The following TTN variants were observed in gnomAD, a reference collection of about 807,000 sequenced individuals.
TTN encodes the protein connectin.
A neutral mutation model predicts 3,223.0 loss-of-function variants in TTN; 1,525 were observed. That is an observed-to-expected ratio of 0.47 (90% CI 0.45 to 0.49). The LOEUF (loss-of-function observed/expected upper bound fraction) is 0.49, where lower values mean the gene tolerates loss of function less well. Ranked by LOEUF, TTN falls within the 20% of genes least tolerant of loss-of-function variation. The probability of loss-of-function intolerance (pLI) is 0.00; values close to 1 mark genes in which losing one functional copy is unlikely to be tolerated. For missense variants in TTN, 40,786 were observed against 43,424.0 expected (o/e 0.94, Z 5.40); for synonymous variants, 14,094 against 15,161.0 (o/e 0.93, Z 5.17).
intron 157 of TTN, 68 bp from the exon 158 acceptor site, chr2:178,669,743 G>A (rs528784234): frequency 1.9e-4 from 291 of 1,510,878 alleles, no homozygotes; most frequent in Non-Finnish European, 2.5e-4. Context: ...AGCAAGCCTA[G>A]AAGGGGCATC....
Position 178,671,968 on chromosome 2 carries a change from T to G in TTN, c.35227+3A>C. On this transcript the variant is annotated splice_donor_region_variant and intron_variant, in intron 155 of 362. Transcript: ENST00000589042. ...TTTGTAGTATTTGAAGAATTCCCTA[T>G]ACCTTTAGGTGGAGCTTTTGGTTTT... 6.3e-7 allele frequency: 1 copy of G among 1,591,344 alleles called. No homozygotes were observed. Among genetic ancestry groups the G allele is most frequent in the Non-Finnish European group, 8.5e-7 (1 of 1,174,312 alleles).
chr2:178,604,452 GA>G, intron 281 of TTN, 147 bp from the exon 282 acceptor site: 1 of 776,340 alleles, frequency 1.3e-6, no homozygotes, highest in Non-Finnish European at 1.8e-6. Flanking sequence ...GAGAAAAGGA[GA>G]AAGCTTTTTT....
rs749360420 is a variant in TTN at position 178,684,010 on chromosome 2, G to A, written c.32795C>T (p.Pro10932Leu). The change falls in exon 133 of 363, where the codon CCA becomes CTA. Residue 10932 changes from proline to leucine, a missense_variant. Coordinates refer to ENST00000589042, the MANE Select transcript of TTN (RefSeq NM_001267550.2). ...AAGAGTCAGTATACCTTTAGCTGGT[G>A]GTTCCTCCTCTCTTTTAGGTTTGAG... ...LKLKPKREEEPPAKVTEFRKR... is the reference protein window; with the variant it reads ...LKLKPKREEELPAKVTEFRKR... The A allele has an allele frequency of 6.3e-7, 1 of 1,593,852 alleles. No individual in the cohort carries two copies. Among genetic ancestry groups the A allele is most frequent in the South Asian group, 1.1e-5 (1 of 87,500 alleles).
chr2:178,554,869 G>C lies in TTN; in HGVS notation c.88590C>G (p.Ile29530Met), dbSNP rs780772770. ...GSASATIRVQ[I>M]LDKPGPPGGP... The stretch of plus-strand genomic sequence containing the variant: ...TGGTCTGTATTCAGCACCTACCAAG[G>C]ATCTGTACTCTGATGGTGGCTGAGG... Residue 29530 changes from isoleucine (I) to methionine (M), a missense_variant, in exon 331 of 363, where the codon ATC (isoleucine) becomes ATG (methionine). By Grantham distance (10) the Ile-to-Met change is conservative (BLOSUM62 1). Coordinates refer to ENST00000589042, the MANE Select transcript of TTN (RefSeq NM_001267550.2). The C allele has an allele frequency of 6.2e-7, 1 of 1,613,754 alleles. No homozygotes were observed. The highest frequency in any genetic ancestry group is 1.3e-5 in the African/African-American group (1 of 74,918).
rs1180270942 is a variant in TTN, at chr2:178,731,923, T to C, written c.16952A>G (p.Glu5651Gly). 1.2e-6 allele frequency: 2 copies of C among 1,613,428 alleles called. No individual in the cohort carries two copies. Among genetic ancestry groups the C allele is most frequent in the Non-Finnish European group, 8.5e-7 (1 of 1,179,636 alleles). The change falls in exon 58 of 363, where the codon GAG becomes GGG. Residue 5651 changes from glutamate (E) to glycine (G), a missense_variant. By Grantham distance (98) the Glu-to-Gly change is moderately conservative. Transcript: ENST00000589042. ...CTCAGCCAGCAACATGACATCGTAC[T>C]CCTTTAAGACTTCAATTGGCTTAAA... is the stretch of plus-strand genomic sequence containing the variant. ...KEFKPIEVLK[E>G]YDVMLLAEVA... is the part of the protein sequence containing the mutation.
intron 357 of TTN, 63 bp downstream of exon 357, chr2:178,535,919 G>A: frequency 1.3e-6 from 2 of 1,507,004 alleles, no homozygotes; most frequent in Non-Finnish European, 1.8e-6. Flanking sequence ...AAGTGCAATA[G>A]CCTCCACCCC....
rs779377464 is a variant in TTN at position 178,730,380 on chromosome 2, A to G, written c.18029-9T>C. ...CACAAAGTAAGGGGGTTCTGAGGTG[A>G]AAGAAAAAACAAGCAAAAGAAAATA... On this transcript the variant is annotated splice_polypyrimidine_tract_variant and intron_variant, in intron 61 of 362. Transcript: ENST00000589042. 4 of 1,565,258 alleles carry G rather than the reference A, an allele frequency of 2.6e-6. No homozygotes were observed. The highest frequency in any genetic ancestry group is 3.5e-6 in the Non-Finnish European group (4 of 1,158,306).
chr2:178,751,794 T>C, intron 47 of TTN: 1 of 1,613,076 alleles, frequency 6.2e-7, no homozygotes, highest in Non-Finnish European at 8.5e-7. Flanking sequence ...TGAAACCAAG[T>C]CATTTCTGGA....
chr2:178,745,743 A>G, intron 47 of TTN: 1 of 1,612,704 alleles, frequency 6.2e-7, no homozygotes, highest in Non-Finnish European at 8.5e-7. Context: ...CCTTGGACTA[A>G]TTTTCCATCT....
chr2:178,610,090 G>A lies in TTN; in HGVS notation c.51436C>T (p.Gln17146Ter), dbSNP rs906494713. 3 of 1,612,610 alleles carry A rather than the reference G, an allele frequency of 1.9e-6. No individual in the cohort carries two copies. Among genetic ancestry groups the A allele is most frequent in the South Asian group, 1.1e-5 (1 of 91,050 alleles). Residue 17146 changes from glutamine (Q) to a stop codon, truncating the protein, a stop_gained and splice_region_variant, in exon 271 of 363, where the codon CAA (glutamine) becomes TAA (stop). Transcript: ENST00000589042. LOFTEE classifies it high-confidence loss of function. ...ATAGTGCATCCATGTCCAAACTTACGCTTTGGATCTTGAGCAATGACTGGA... is the reference window on the plus strand; with the variant it reads ...ATAGTGCATCCATGTCCAAACTTACACTTTGGATCTTGAGCAATGACTGGA... ...KNPVIAQDPK[Q>*]PPDPPVDVEV... is the part of the protein sequence containing the mutation.
In TTN at chr2:178,664,703, C is replaced by T. The variant is rs1189827106; in HGVS notation, c.36153G>A (p.Lys12051=). 1.2e-6 allele frequency: 2 copies of T among 1,612,318 alleles called. No homozygotes were observed. Among genetic ancestry groups the T allele is most frequent in the African/African-American group, 2.7e-5 (2 of 74,878 alleles). ...TTCTGAGAGGAACCACAAGCGTTTTCTTTTCAGGGACAATTTCTTGGAGAG... is the reference window on the plus strand; with the variant it reads ...TTCTGAGAGGAACCACAAGCGTTTTTTTTTCAGGGACAATTTCTTGGAGAG... The part of the protein sequence containing the change: ...PEALQEIVPE[K]KTLVVPLRKP... Residue 12051 remains lysine (K), a synonymous_variant, in exon 167 of 363, where the codon AAG becomes AAA. Coordinates refer to ENST00000589042, the MANE Select transcript of TTN (RefSeq NM_001267550.2).
chr2:178,690,640 A>G (rs1451605338), intron 121 of TTN, among the ~76,000 whole-genome samples: 1 of 152,182 alleles, frequency 6.6e-6, no homozygotes, highest in Non-Finnish European at 1.5e-5. Context: ...AACAGCATGC[A>G]TTATTGGCAA....
rs776700723 is a variant in TTN at position 178,617,404 on chromosome 2, T to C, written c.47681A>G (p.Tyr15894Cys). 1.9e-6 allele frequency: 3 copies of C among 1,591,100 alleles called. No individual in the cohort carries two copies. The highest frequency in any genetic ancestry group is 1.4e-5 in the African/African-American group (1 of 73,730). The change falls in exon 254 of 363, where the codon TAT (tyrosine) becomes TGT (cysteine). Residue 15894 changes from tyrosine (Y) to cysteine (C), a missense_variant. Tyr to Cys is a radical substitution (Grantham distance 194). Coordinates refer to ENST00000589042, the MANE Select transcript of TTN (RefSeq NM_001267550.2). Reference protein sequence around the residue: ...LKDGGSPILGYIIERCEEGKD... With the variant: ...LKDGGSPILGCIIERCEEGKD... ...TCCTTCTTCGCATCGCTCAATTATATAGCCTAATATTGGGCTTCCTCCATC... is the reference window on the plus strand; with the variant it reads ...TCCTTCTTCGCATCGCTCAATTATACAGCCTAATATTGGGCTTCCTCCATC...
chr2:178,703,593 A>G (rs921710980), intron 106 of TTN, among the ~76,000 whole-genome samples: 8 of 152,252 alleles, frequency 5.3e-5, no homozygotes, highest in Admixed American at 5.2e-4. Context: ...TGTATAATCA[A>G]TTAGGAAATG....
rs957584090 is a variant in TTN, at chr2:178,678,224, T to C, written c.33911-16A>G. ...ACCTCTGGCACTTTAAAGATATTAT[T>C]TATATTTAGGAATATGTTCTTTTAA... On this transcript the variant is annotated splice_polypyrimidine_tract_variant and intron_variant, in intron 144 of 362. Coordinates refer to ENST00000589042, the MANE Select transcript of TTN (RefSeq NM_001267550.2). 1.3e-6 allele frequency: 2 copies of C among 1,591,278 alleles called. No individual in the cohort carries two copies.
In TTN at chr2:178,635,187, C is replaced by G; in HGVS notation, c.42002G>C (p.Gly14001Ala). ...ADIPGQWKLK[G>A]ELLRPSPTCE... ...CACAGGTGAGGGCCTTAGAAGTTCT[C>G]CTTTCAGTTTCCATTGTCCAGGAAT... Residue 14001 changes from glycine to alanine, a missense_variant, in exon 228 of 363, where the codon GGA becomes GCA. Gly to Ala is a moderately conservative substitution (Grantham distance 60, BLOSUM62 0). Transcript: ENST00000589042. 1 of 1,612,900 alleles carries G rather than the reference C, an allele frequency of 6.2e-7. No homozygotes were observed. The highest frequency in any genetic ancestry group is 8.5e-7 in the Non-Finnish European group (1 of 1,179,374).
intron 43 of TTN, among the ~76,000 whole-genome samples, chr2:178,762,814 T>G (rs2089551822): frequency 6.6e-6 from 1 of 152,226 alleles, no homozygotes. Flanking sequence ...AATTCCTCTC[T>G]ATGGCTATAA....
intron 249 of TTN, 39 bp downstream of exon 249, chr2:178,619,949 A>G: frequency 6.3e-7 from 1 of 1,595,490 alleles, no homozygotes; most frequent in Middle Eastern, 1.7e-4. Context: ...ATTTTAAAAA[A>G]TTGGTAACAT....
At chr2:178,646,956 C>T in intron 215 of TTN, 108 bp downstream of exon 215, 1 of 381,616 alleles carries the variant, frequency 2.6e-6, no homozygotes. Flanking sequence ...TGCTAGACTG[C>T]TCTTGTATAT....
Sources: allele counts gnomAD v4.1 joint callset (sites outside exome capture counted in the v4.1 genomes callset), GRCh38; gene constraint gnomAD v4.1.1; transcripts MANE v1.5; gene names NCBI Gene and HGNC (gene_info 2026-07-23, HGNC 2026-07-21).